CCT4: variants seen among roughly 807,000 people sequenced by gnomAD.
CCT4 encodes T-complex protein 1 subunit delta.
In CCT4, 17 loss-of-function variants were observed where a neutral mutation model predicts 62.5. That is an observed-to-expected ratio of 0.27 (90% CI 0.19 to 0.41). The LOEUF (loss-of-function observed/expected upper bound fraction) is 0.41, where lower values mean the gene tolerates loss of function less well. CCT4 is among the 10% of genes least tolerant of loss of function. CCT4 has a pLI of 1.00. For synonymous variants in CCT4, 250 were observed against 229.9 expected (o/e 1.09, Z -0.79); for missense variants, 592 against 659.2 (o/e 0.90, Z 1.12).
intron 7 of CCT4, 58 bp downstream of exon 7, chr2:61,876,858 GAAAT>G: frequency 7.3e-7 from 1 of 1,372,898 alleles, no homozygotes; most frequent in Non-Finnish European, 9.9e-7. Flanking sequence ...TTTTAATAAA[GAAAT>G]GCCTGAGTTA....
Position 61,880,313 on chromosome 2 carries a change from C to G in CCT4, c.352G>C (p.Asp118His). The stretch of plus-strand genomic sequence containing the variant: ...TTCTGAAGAAGCTTGGTACAAGAAT[C>G]TAAGAGGGAGCCAGCAATGATGACT... ...SVVIIAGSLLDSCTKLLQKGI... is the reference protein window; with the variant it reads ...SVVIIAGSLLHSCTKLLQKGI... The change falls in exon 4 of 14, where the codon GAT becomes CAT. Residue 118 changes from aspartate to histidine, a missense_variant. Transcript: ENST00000394440. 1 of 1,600,354 alleles carries G rather than the reference C, an allele frequency of 6.2e-7. No individual in the cohort carries two copies. The highest frequency in any genetic ancestry group is 8.5e-7 in the Non-Finnish European group (1 of 1,173,626).
At chr2:61,868,899 G>A in intron 13 of CCT4, 193 bp from the exon 14 acceptor site, 3 of 522,258 alleles carry the variant, frequency 5.7e-6, no homozygotes, top group East Asian at 3.5e-5. Flanking sequence ...CACTTTGGGA[G>A]GCTGAGGCAG....
Position 61,873,072 on chromosome 2 carries a change from G to C in CCT4, c.1055C>G (p.Thr352Ser). Reference protein sequence around the residue: ...TKPVAHIDQFTADMLGSAELA... With the variant: ...TKPVAHIDQFSADMLGSAELA... ...CTCAGCAGAACCCAGCATGTCAGCA[G>C]TAAATTGGTCAATATGAGCAACTGG... Residue 352 changes from threonine (T) to serine (S), a missense_variant, in exon 10 of 14, where the codon ACT (threonine) becomes AGT (serine). Physicochemically the swap from Thr to Ser is moderately conservative, Grantham distance 58. Coordinates refer to ENST00000394440, the MANE Select transcript of CCT4 (RefSeq NM_006430.4). The C allele has an allele frequency of 2.5e-6, 4 of 1,613,304 alleles. No individual in the cohort carries two copies. The highest frequency in any genetic ancestry group is 3.4e-6 in the Non-Finnish European group (4 of 1,179,210).
chr2:61,872,412 G>C (rs1668902691), intron 11 of CCT4, 46 bp downstream of exon 11: 1 of 1,503,512 alleles, frequency 6.7e-7, no homozygotes, highest in Non-Finnish European at 9.0e-7. Context: ...GAATATAATA[G>C]TTTTAATGTT....
At chr2:61,873,447 A>C (rs1034660059) in intron 8 of CCT4, among the ~76,000 whole-genome samples, 154 bp from the exon 9 acceptor site, 3 of 152,248 alleles carry the variant, frequency 2.0e-5, no homozygotes, top group Non-Finnish European at 4.4e-5. Flanking sequence ...GTCAAAATTA[A>C]GATTTCCAAT....
chr2:61,874,814 A>G (rs995482230), intron 8 of CCT4, among the ~76,000 whole-genome samples: 8 of 152,060 alleles, frequency 5.3e-5, no homozygotes, highest in Admixed American at 2.6e-4. Flanking sequence ...GATGTTTAGG[A>G]CCTTGGTCTA....
chr2:61,884,454 G>A (rs535930398), intron 2 of CCT4, among the ~76,000 whole-genome samples: 74 of 151,688 alleles, frequency 4.9e-4, no homozygotes, highest in African/African-American at 1.7e-3. Context: ...GGGATTACAG[G>A]TGCCCGCCAC....
chr2:61,878,580 G>A (rs1003890182), intron 5 of CCT4, among the ~76,000 whole-genome samples: 2 of 152,258 alleles, frequency 1.3e-5, no homozygotes, highest in Non-Finnish European at 2.9e-5. Context: ...ATTTGGTGGA[G>A]GAAAAGGTTT....
intron 13 of CCT4, 42 bp downstream of exon 13, chr2:61,869,398 T>C (rs770730021): frequency 1.8e-6 from 2 of 1,104,128 alleles, no homozygotes; most frequent in East Asian, 2.4e-5. Context: ...AATATATGCC[T>C]TTTTGACCTC....
chr2:61,874,520 A>G (rs1235845337), intron 8 of CCT4, among the ~76,000 whole-genome samples: 1 of 151,804 alleles, frequency 6.6e-6, no homozygotes, highest in African/African-American at 2.4e-5. Context: ...CTGAGGAAGG[A>G]AAACTGCTTG....
intron 1 of CCT4, chr2:61,886,199 T>A (rs1418876417): frequency 6.6e-6 from 1 of 152,120 alleles, no homozygotes; most frequent in Non-Finnish European, 1.5e-5. Context: ...CCACCTAAGG[T>A]CAGGAGTTCG....
At chr2:61,870,613 G>C (rs1558503025) in intron 12 of CCT4, among the ~76,000 whole-genome samples, 1 of 152,020 alleles carries the variant, frequency 6.6e-6, no homozygotes, top group Non-Finnish European at 1.5e-5. Flanking sequence ...CATGTCCTTA[G>C]CCTCTTGCTT....
At chr2:61,885,110 A>AT (rs1436235962) in intron 1 of CCT4, 38 bp from the exon 2 acceptor site, 1 of 1,455,512 alleles carries the variant, frequency 6.9e-7, no homozygotes, top group Admixed American at 2.9e-5. Context: ...ACAAATTAGA[A>AT]CTTTTTTTTT....
chr2:61,874,971 C>T (rs1668966645), intron 8 of CCT4, among the ~76,000 whole-genome samples: 1 of 152,108 alleles, frequency 6.6e-6, no homozygotes, highest in Non-Finnish European at 1.5e-5. Flanking sequence ...AGAGAAACCC[C>T]GTCTCTACTA....
Position 61,885,021 on chromosome 2 carries a change from AT to A in CCT4, c.178del (p.Met60Ter). ...TSLGPKGMDKMIQDGKGDVTI... is the reference protein window; with the variant it reads ...TSLGPKGMDKXIQDGKGDVTI... The stretch of plus-strand genomic sequence containing the variant: ...GTATTCAATGACTCAACTCTTTACC[AT>A]TTTATCCATTCCTTTTGGTCCAAGG... On this transcript the variant is annotated frameshift_variant and splice_region_variant, in exon 2 of 14. Coordinates refer to ENST00000394440, the MANE Select transcript of CCT4 (RefSeq NM_006430.4). LOFTEE classifies it high-confidence loss of function. The A allele has an allele frequency of 6.3e-7, 1 of 1,579,768 alleles. No individual in the cohort carries two copies. The highest frequency in any genetic ancestry group is 1.9e-5 in the Admixed American group (1 of 53,440).
At chr2:61,888,033 TAAGC>T (rs1308508587) in intron 1 of CCT4, 1 of 224,332 alleles carries the variant, frequency 4.5e-6, no homozygotes, top group Non-Finnish European at 8.7e-6. Flanking sequence ...CCAGTTCCAA[TAAGC>T]AATAAGCGAC....
intron 3 of CCT4, among the ~76,000 whole-genome samples, chr2:61,882,770 C>T (rs1334588437): frequency 5.3e-5 from 8 of 151,946 alleles, no homozygotes; most frequent in African/African-American, 1.9e-4. Context: ...CTTGGCCTCC[C>T]AAAGTGCCGG....
chr2:61,883,789 C>CGT (rs371880679), intron 2 of CCT4, among the ~76,000 whole-genome samples: 29 of 144,404 alleles, frequency 2.0e-4, no homozygotes, highest in Middle Eastern at 3.4e-3. Context: ...CACACACACA[C>CGT]ACACACACAC....
chr2:61,877,241 C>T (rs1669020361), intron 6 of CCT4, 152 bp downstream of exon 6: 2 of 890,162 alleles, frequency 2.2e-6, no homozygotes, highest in South Asian at 3.5e-5. Flanking sequence ...AACAAAATCT[C>T]CAGATGCCCA....
Sources: gnomAD v4.1 joint callset for allele counts (sites outside exome capture counted in the v4.1 genomes callset) on GRCh38, gnomAD v4.1.1 for gene constraint, MANE v1.5 for transcripts, NCBI Gene and HGNC (gene_info 2026-07-23, HGNC 2026-07-21) for gene names.